Variants in MACROD2 observed in about 807,000 individuals in gnomAD.
The protein encoded by MACROD2 is ADP-ribose glycohydrolase MACROD2.
MACROD2 carries 36 observed loss-of-function variants against 70.4 expected under a neutral mutation model. The ratio of observed to expected loss-of-function variants is 0.51; its 90% CI spans 0.39 to 0.68. The LOEUF is 0.68. MACROD2 is among the 30% of genes least tolerant of loss of function. MACROD2 has a pLI of 0.00. For synonymous variants in MACROD2, 172 were observed against 178.8 expected, an observed-to-expected ratio of 0.96 and a Z score of 0.30; for missense variants, 496 against 538.4, an observed-to-expected ratio of 0.92 and a Z score of 0.78.
At chr20:14,156,879 AT>A (rs1252483204) in intron 3 of MACROD2, among the ~76,000 whole-genome samples, 4 of 152,218 alleles carry the variant, frequency 2.6e-5, no homozygotes, top group African/African-American at 9.6e-5. Flanking sequence ...TGTAAGGGTC[AT>A]TGTGAGCAGA....
At chr20:15,531,700 G>A (rs1427976978) in intron 8 of MACROD2, among the ~76,000 whole-genome samples, 7 of 152,022 alleles carry the variant, frequency 4.6e-5, no homozygotes, top group African/African-American at 9.7e-5. Flanking sequence ...CAGTGCAATC[G>A]TTTTTGTTAT....
intron 6 of MACROD2, among the ~76,000 whole-genome samples, chr20:15,276,419 AAAAT>A (rs2077393695): frequency 6.6e-6 from 1 of 151,608 alleles, no homozygotes; most frequent in Non-Finnish European, 1.5e-5. Flanking sequence ...AAAAAATAAA[AAAAT>A]CTCATTGATC....
At chr20:15,533,984 C>A (rs1422619571) in intron 8 of MACROD2, among the ~76,000 whole-genome samples, 1 of 152,178 alleles carries the variant, frequency 6.6e-6, no homozygotes, top group Non-Finnish European at 1.5e-5. Context: ...GGCTATGACA[C>A]CTTAGCCAAG....
intron 7 of MACROD2, among the ~76,000 whole-genome samples, chr20:15,471,897 C>A (rs1010336896): frequency 6.6e-6 from 1 of 152,086 alleles, no homozygotes; most frequent in African/African-American, 2.4e-5. Flanking sequence ...AAATATTTTT[C>A]TTTCACAGCA....
intron 8 of MACROD2, among the ~76,000 whole-genome samples, chr20:15,667,096 AT>A (rs1204972851): frequency 1.3e-5 from 2 of 152,040 alleles, no homozygotes; most frequent in Admixed American, 1.3e-4. Context: ...CTCATGTTGG[AT>A]TGTAATCCCC....
At chr20:14,721,254 C>CA (rs200181158) in intron 5 of MACROD2, among the ~76,000 whole-genome samples, 33,496 of 89,922 alleles carry the variant, frequency 0.37, 4,437 homozygotes, top group Non-Finnish European at 0.39. Context: ...GACCCCATCT[C>CA]AAAAAAAAAA....
chr20:15,359,944 A>G (rs1009944689), intron 6 of MACROD2, among the ~76,000 whole-genome samples: 1 of 152,176 alleles, frequency 6.6e-6, no homozygotes, highest in Admixed American at 6.6e-5. Flanking sequence ...CTAAACAGAC[A>G]CAGAACCATT....
chr20:14,554,196 T>A (rs1340451838), intron 4 of MACROD2, among the ~76,000 whole-genome samples: 1 of 152,178 alleles, frequency 6.6e-6, no homozygotes, highest in African/African-American at 2.4e-5. Context: ...GAATCATCCA[T>A]GATTTGTATA....
chr20:14,039,587 C>A (rs763024826), intron 2 of MACROD2, among the ~76,000 whole-genome samples: 9 of 152,036 alleles, frequency 5.9e-5, no homozygotes, highest in Non-Finnish European at 1.2e-4. Context: ...TCATTATATT[C>A]ATAATGTTCA....
chr20:14,614,093 GA>G (rs1983328968), intron 4 of MACROD2, among the ~76,000 whole-genome samples: 2 of 152,210 alleles, frequency 1.3e-5, no homozygotes, highest in South Asian at 4.2e-4. Context: ...CAAAAGTGAG[GA>G]AGTAGAGTAG....
At chr20:14,875,698 C>T (rs531140284) in intron 5 of MACROD2, among the ~76,000 whole-genome samples, 1 of 152,102 alleles carries the variant, frequency 6.6e-6, no homozygotes, top group African/African-American at 2.4e-5. Context: ...CATGTGTGCC[C>T]AGTGTTTGGC....
chr20:14,295,580 G>A (rs1419381286), intron 3 of MACROD2, among the ~76,000 whole-genome samples: 2 of 151,828 alleles, frequency 1.3e-5, no homozygotes, highest in East Asian at 3.9e-4. Flanking sequence ...GGGCTGGGGG[G>A]AGTGGTAATA....
intron 8 of MACROD2, among the ~76,000 whole-genome samples, chr20:15,850,471 A>T (rs1299923558): frequency 6.6e-6 from 1 of 152,224 alleles, no homozygotes; most frequent in East Asian, 1.9e-4. Flanking sequence ...GACCCACGGG[A>T]ACATGAACAG....
intron 5 of MACROD2, among the ~76,000 whole-genome samples, chr20:15,090,365 C>T (rs371511834): frequency 1.4e-3 from 219 of 152,030 alleles, no homozygotes; most frequent in South Asian, 7.1e-3. Flanking sequence ...TTTATCTTTC[C>T]CAAAGATGGT....
At chr20:15,261,432 T>C (rs2077248599) in intron 6 of MACROD2, among the ~76,000 whole-genome samples, 1 of 152,008 alleles carries the variant, frequency 6.6e-6, no homozygotes, top group South Asian at 2.1e-4. Context: ...CCGAGTAGGA[T>C]TAATAAGCAG....
chr20:14,029,208 A>G (rs2053218069), intron 2 of MACROD2, among the ~76,000 whole-genome samples: 1 of 152,216 alleles, frequency 6.6e-6, no homozygotes, highest in Non-Finnish European at 1.5e-5. Context: ...AGGCAGAGAG[A>G]ACTGTCATTG....
intron 4 of MACROD2, among the ~76,000 whole-genome samples, chr20:14,671,843 G>T (rs1443646704): frequency 6.6e-6 from 1 of 152,158 alleles, no homozygotes; most frequent in East Asian, 1.9e-4. Context: ...TTTTCTTAGA[G>T]ATGTTTCTTC....
At chr20:15,292,831 T>C (rs1272983576) in intron 6 of MACROD2, among the ~76,000 whole-genome samples, 1 of 152,100 alleles carries the variant, frequency 6.6e-6, no homozygotes, top group Non-Finnish European at 1.5e-5. Flanking sequence ...TTCAACTGTA[T>C]TTTTTTTCAT....
At chr20:14,047,505 G>T (rs946621748) in intron 2 of MACROD2, among the ~76,000 whole-genome samples, 1 of 151,412 alleles carries the variant, frequency 6.6e-6, no homozygotes, top group African/African-American at 2.4e-5. Flanking sequence ...CCAAACTTAG[G>T]TTATTCCTGG....
Sources: allele counts gnomAD v4.1 joint callset (sites outside exome capture counted in the v4.1 genomes callset), GRCh38; gene constraint gnomAD v4.1.1; transcripts MANE v1.5; gene names NCBI Gene and HGNC (gene_info 2026-07-23, HGNC 2026-07-21).